Variants in ETS2 observed in about 807,000 individuals in gnomAD.
ETS2 encodes ETS proto-oncogene 2, transcription factor, also known as protein C-ets-2.
In ETS2, 19 loss-of-function variants were observed where a neutral mutation model predicts 54.9. The ratio of observed to expected loss-of-function variants is 0.35; its 90% CI spans 0.24 to 0.51. The LOEUF is 0.51. Among genes scored for constraint, ETS2 ranks in the 20% least tolerant of loss-of-function variants. ETS2 has a pLI of 0.97. For missense variants in ETS2, 417 were observed against 593.0 expected, an observed-to-expected ratio of 0.70 and a Z score of 3.08; for synonymous variants, 219 against 229.3, an observed-to-expected ratio of 0.95 and a Z score of 0.41.
chr21:38,822,735 G>A lies in ETS2; in HGVS notation c.1256G>A (p.Arg419Gln). 6.2e-7 allele frequency: 1 copy of A among 1,614,116 alleles called. No homozygotes were observed. Among genetic ancestry groups the A allele is most frequent in the Non-Finnish European group, 8.5e-7 (1 of 1,180,010 alleles). Residue 419 changes from arginine to glutamine, a missense_variant, in exon 10 of 10, where the codon CGG (arginine) becomes CAG (glutamine). Coordinates refer to ENST00000360938, the MANE Select transcript of ETS2 (RefSeq NM_005239.6). ...AAGATGAACTACGAGAAGCTGAGCC[G>A]GGGCTTACGCTACTATTACGACAAG... ...KPKMNYEKLS[R>Q]GLRYYYDKNI... is the part of the protein sequence containing the mutation.
upstream of ETS2, chr21:38,805,765 G>A: frequency 1.3e-6 from 1 of 773,140 alleles, no homozygotes. This position sits in a 1 kb window ranked among gnomAD's most constrained non-coding sequence, Gnocchi z 5.2. Context: ...TCCCCATCCT[G>A]CCTACCTCCC....
In ETS2 at chr21:38,814,822, C is replaced by G. The variant is rs78391361; in HGVS notation, c.346C>G (p.Leu116Val). The G allele has an allele frequency of 9.9e-6, 16 of 1,613,300 alleles. No individual in the cohort carries two copies. Among genetic ancestry groups the G allele is most frequent in the African/African-American group, 1.3e-5 (1 of 74,922 alleles). The change falls in exon 5 of 10, where the codon CTC (leucine) becomes GTC (valine). Residue 116 changes from leucine (L) to valine (V), a missense_variant. Coordinates refer to ENST00000360938, the MANE Select transcript of ETS2 (RefSeq NM_005239.6). The surrounding 1 kb of genome is among the most constrained non-coding windows in gnomAD (Gnocchi z 4.2). The stretch of plus-strand genomic sequence containing the variant: ...TGAGCAACAGGTATGCCAGTGGCTT[C>G]TCTGGGCCACCAATGAGTTCAGTCT... ...WSEQQVCQWLLWATNEFSLVN... is the reference protein window; with the variant it reads ...WSEQQVCQWLVWATNEFSLVN...
chr21:38,806,599 A>G lies in ETS2; in HGVS notation c.-1+479A>G, dbSNP rs1017866281. 9 of 984,864 alleles carry G rather than the reference A, an allele frequency of 9.1e-6. No homozygotes were observed. The highest frequency in any genetic ancestry group is 1.8e-5 in the African/African-American group (1 of 57,078). 61.0% of individuals were successfully genotyped at this position (984,864 alleles called of 1,614,324 possible). Reference sequence around the variant, plus strand: ...CTTCCTGGAGCGGCGCCGGGCCCGGAGGATCTGGGGCGCCCAAGACACCTG... The same window carrying G: ...CTTCCTGGAGCGGCGCCGGGCCCGGGGGATCTGGGGCGCCCAAGACACCTG... On this transcript the variant is annotated intron_variant, in intron 1 of 9. Transcript: ENST00000360938. The surrounding 1 kb of genome is among the most constrained non-coding windows in gnomAD (Gnocchi z 4.3).
Position 38,806,660 on chromosome 21 carries a change from G to A in ETS2, c.-1+540G>A. Reference sequence around the variant, plus strand: ...CACCGCGGGAACCTGCGGGGCGCGGGGTGCCATGGTCACCTGCTCGCCGCG... The same window carrying A: ...CACCGCGGGAACCTGCGGGGCGCGGAGTGCCATGGTCACCTGCTCGCCGCG... On this transcript the variant is annotated intron_variant, in intron 1 of 9. Coordinates refer to ENST00000360938, the MANE Select transcript of ETS2 (RefSeq NM_005239.6). This position sits in a 1 kb window ranked among gnomAD's most constrained non-coding sequence, Gnocchi z 4.3. 2.0e-6 allele frequency: 2 copies of A among 985,388 alleles called. No individual in the cohort carries two copies. Among genetic ancestry groups the A allele is most frequent in the Non-Finnish European group, 2.4e-6 (2 of 829,932 alleles). 61.0% of individuals were successfully genotyped at this position (985,388 alleles called of 1,614,324 possible).
At chr21:38,813,156 C>G (rs1182796728) in intron 3 of ETS2, 42 bp downstream of exon 3, 1 of 1,239,928 alleles carries the variant, frequency 8.1e-7, no homozygotes, top group South Asian at 1.2e-5. Context: ...CATGATTTTC[C>G]TAAGTAGTTC....
rs758337640 is a variant in ETS2 at position 38,821,471 on chromosome 21, T to G, written c.1076-115T>G. ...CCCTGAGTGTAACATCGGAACCCCATTCAGAGAGTTGGGTCTGCATTCCTA... is the reference window on the plus strand; with the variant it reads ...CCCTGAGTGTAACATCGGAACCCCAGTCAGAGAGTTGGGTCTGCATTCCTA... On this transcript the variant is annotated intron_variant, in intron 8 of 9. Transcript: ENST00000360938. The surrounding 1 kb of genome is among the most constrained non-coding windows in gnomAD (Gnocchi z 4.2). 1.4e-5 allele frequency: 11 copies of G among 788,792 alleles called. No homozygotes were observed. Among genetic ancestry groups the G allele is most frequent in the Non-Finnish European group, 2.4e-5 (11 of 455,564 alleles). 48.9% of individuals were successfully genotyped at this position (788,792 alleles called of 1,614,324 possible).
rs2060959782 is a variant in ETS2, at chr21:38,821,924, A to G, written c.1194+220A>G. On this transcript the variant is annotated intron_variant, in intron 9 of 9. Transcript: ENST00000360938. The surrounding 1 kb of genome is among the most constrained non-coding windows in gnomAD (Gnocchi z 4.2). ...GGTATGCTTCATACAAGGGCGTTGC[A>G]CAGATTTCACTGTCTTGATCAGTTG... 6.6e-6 allele frequency among the ~76,000 whole-genome samples: 1 copy of G among 152,224 alleles called. No individual in the cohort carries two copies. Among genetic ancestry groups the G allele is most frequent in the South Asian group, 2.1e-4 (1 of 4,832 alleles).
At chr21:38,805,329 C>T (rs533465681), upstream of ETS2, 2 of 1,287,608 alleles carry the variant, frequency 1.6e-6, no homozygotes, top group East Asian at 5.6e-5. This position sits in a 1 kb window ranked among gnomAD's most constrained non-coding sequence, Gnocchi z 5.2. Context: ...AGTCCTAAGC[C>T]CATTCAGAGG....
chr21:38,822,453 C>T (rs548062906), intron 9 of ETS2, among the ~76,000 whole-genome samples: 2 of 152,170 alleles, frequency 1.3e-5, no homozygotes, highest in African/African-American at 4.8e-5. Flanking sequence ...GAGCAGGGAC[C>T]TCATTCCCCA....
intron 1 of ETS2, among the ~76,000 whole-genome samples, chr21:38,807,372 T>G (rs2060897664): frequency 6.6e-6 from 1 of 152,172 alleles, no homozygotes; most frequent in African/African-American, 2.4e-5. Flanking sequence ...TTCTCCTTGT[T>G]TTTAAATGTA....
chr21:38,813,265 T>C, intron 3 of ETS2, 151 bp downstream of exon 3: 1 of 639,472 alleles, frequency 1.6e-6, no homozygotes, highest in East Asian at 2.6e-5. Flanking sequence ...AAGGCAGTTT[T>C]TCATTTGTAT....
At chr21:38,819,360 G>GTA in intron 7 of ETS2, 143 bp from the exon 8 acceptor site, 1 of 684,648 alleles carries the variant, frequency 1.5e-6, no homozygotes, top group Non-Finnish European at 2.6e-6. Flanking sequence ...AAGCACCTGA[G>GTA]TAGAGAGCAT....
At chr21:38,805,480 C>A (rs1272636706), upstream of ETS2, 1 of 1,288,186 alleles carries the variant, frequency 7.8e-7, no homozygotes, top group Non-Finnish European at 1.0e-6. This position sits in a 1 kb window ranked among gnomAD's most constrained non-coding sequence, Gnocchi z 5.2. Context: ...GAGAGGACGC[C>A]GAGCGCTCCA....
chr21:38,810,860 C>A (rs2123409212), intron 2 of ETS2, among the ~76,000 whole-genome samples: 1 of 152,254 alleles, frequency 6.6e-6, no homozygotes, highest in Non-Finnish European at 1.5e-5. Flanking sequence ...TTACATTTTC[C>A]TTTGTATATC....
At chr21:38,807,417 C>CTTTTTTTTTTTTTT (rs369913456) in intron 1 of ETS2, among the ~76,000 whole-genome samples, 1 of 133,366 alleles carries the variant, frequency 7.5e-6, no homozygotes, top group Non-Finnish European at 1.6e-5. Flanking sequence ...GCTCTTTATC[C>CTTTTTTTTTTTTTT]TTTTTTTTTT....
chr21:38,820,037 C>T (rs926775115), intron 8 of ETS2, among the ~76,000 whole-genome samples: 4 of 152,194 alleles, frequency 2.6e-5, no homozygotes, highest in African/African-American at 9.7e-5. Flanking sequence ...ATAGTTGGAG[C>T]AGGGGACATG....
In ETS2 at chr21:38,814,235, T is replaced by C. The variant is rs370263050; in HGVS notation, c.185-38T>C. On this transcript the variant is annotated intron_variant, in intron 3 of 9. Transcript: ENST00000360938. The surrounding 1 kb of genome is among the most constrained non-coding windows in gnomAD (Gnocchi z 4.2). The stretch of plus-strand genomic sequence containing the variant: ...TAAATCTCCACCTGATATCACCAAC[T>C]TGAAGTCCTAATGTCCCCATGGGGG... The C allele has an allele frequency of 2.5e-6, 4 of 1,603,942 alleles. No homozygotes were observed. The highest frequency in any genetic ancestry group is 2.7e-5 in the African/African-American group (2 of 74,652).
At chr21:38,805,216 C>T (rs916821421), upstream of ETS2, 1 of 746,902 alleles carries the variant, frequency 1.3e-6, no homozygotes, top group African/African-American at 1.9e-5. The surrounding 1 kb of genome is among the most constrained non-coding windows in gnomAD (Gnocchi z 5.2). Flanking sequence ...ATCGGGGCTT[C>T]CCGGGAGCAG....
At position 38,806,171 on chromosome 21, in the gene ETS2, G is replaced by A; in HGVS notation, c.-1+51G>A. 2 of 999,460 alleles carry A rather than the reference G, an allele frequency of 2.0e-6. No homozygotes were observed. The highest frequency in any genetic ancestry group is 8.4e-5 in the South Asian group (2 of 23,870). The allele number at this position is 999,460 out of a possible 1,614,324, so 61.9% of individuals were successfully genotyped here. A position where few individuals can be genotyped will look rare whatever the true frequency, so the allele number is the denominator to read the frequency against. ...CCCGGCGCGCGGCTCCAGTCCCATG[G>A]AGGGTCACCCGGGGCCTGGGCGGGG... On this transcript the variant is annotated intron_variant, in intron 1 of 9. Transcript: ENST00000360938. This position sits in a 1 kb window ranked among gnomAD's most constrained non-coding sequence, Gnocchi z 4.3.
Sources: allele counts gnomAD v4.1 joint callset (sites outside exome capture counted in the v4.1 genomes callset), GRCh38; gene constraint gnomAD v4.1.1; non-coding constraint Gnocchi (gnomAD v3.1); transcripts MANE v1.5; gene names NCBI Gene and HGNC (gene_info 2026-07-23, HGNC 2026-07-21).